Variants in TMEM135 observed in about 807,000 individuals in gnomAD.
TMEM135 encodes the protein transmembrane protein 135.
A neutral mutation model predicts 60.3 loss-of-function variants in TMEM135; 30 were observed. The ratio of observed to expected loss-of-function variants is 0.50; its 90% confidence interval spans 0.37 to 0.68. The LOEUF is 0.68. Among genes scored for constraint, TMEM135 ranks in the 30% least tolerant of loss-of-function variants. The pLI, the probability that TMEM135 is intolerant of heterozygous loss-of-function variation, is 0.00. For synonymous variants in TMEM135, 190 were observed against 186.7 expected (o/e 1.02, Z -0.14); for missense variants, 468 against 548.8 (o/e 0.85, Z 1.47).
At chr11:87,090,838 CT>C (rs1345948159) in intron 3 of TMEM135, among the ~76,000 whole-genome samples, 1 of 152,014 alleles carries the variant, frequency 6.6e-6, no homozygotes, top group African/African-American at 2.4e-5. Flanking sequence ...TAGTGCCTGA[CT>C]TTTCGTTTAA....
intron 5 of TMEM135, among the ~76,000 whole-genome samples, chr11:87,210,656 C>A (rs1940346534): frequency 6.6e-6 from 1 of 152,154 alleles, no homozygotes. Flanking sequence ...TCCTACCTAA[C>A]TCACTCTGTG....
intron 4 of TMEM135, among the ~76,000 whole-genome samples, chr11:87,109,119 A>G (rs985529817): frequency 1.3e-5 from 2 of 152,154 alleles, no homozygotes; most frequent in African/African-American, 2.4e-5. Flanking sequence ...TGTGTTAACT[A>G]TTTTTGTCGT....
At chr11:87,202,130 A>G (rs779703833) in intron 5 of TMEM135, among the ~76,000 whole-genome samples, 1 of 152,062 alleles carries the variant, frequency 6.6e-6, no homozygotes, top group Non-Finnish European at 1.5e-5. Flanking sequence ...GATTCAAGTG[A>G]TTCTCCTGCC....
intron 5 of TMEM135, among the ~76,000 whole-genome samples, chr11:87,210,382 A>G (rs1370521536): frequency 6.6e-6 from 1 of 152,198 alleles, no homozygotes; most frequent in African/African-American, 2.4e-5. Flanking sequence ...ACTATTACAG[A>G]TACCTCTAGG....
chr11:87,294,065 G>A (rs1228005010), intron 6 of TMEM135, among the ~76,000 whole-genome samples: 2 of 152,174 alleles, frequency 1.3e-5, no homozygotes, highest in Non-Finnish European at 2.9e-5. Flanking sequence ...TTACTGGCAT[G>A]AGATGGTATC....
At chr11:87,047,344 T>G (rs1470725479) in intron 1 of TMEM135, among the ~76,000 whole-genome samples, 1 of 152,080 alleles carries the variant, frequency 6.6e-6, no homozygotes, top group African/African-American at 2.4e-5. Context: ...AGCTCCGGTC[T>G]ACAGCTCCCA....
At chr11:87,064,235 T>G (rs1439018240) in intron 1 of TMEM135, among the ~76,000 whole-genome samples, 4 of 151,670 alleles carry the variant, frequency 2.6e-5, no homozygotes, top group African/African-American at 9.7e-5. Context: ...TAGCCTTTTA[T>G]ATGCCTATTG....
rs567852840 is a variant in TMEM135, at chr11:87,292,179, G to A, written c.510-3603G>A. 2.0e-5 allele frequency among the ~76,000 whole-genome samples: 3 copies of A among 152,328 alleles called. No homozygotes were observed. In the South Asian group the frequency reaches 6.2e-4, roughly 32 times the overall value. Reference sequence around the variant, plus strand: ...GAGAGGCTCTTCTTAACCATACTGTGTAAAGTAATGAAGCCTGACTACGTC... The same window carrying A: ...GAGAGGCTCTTCTTAACCATACTGTATAAAGTAATGAAGCCTGACTACGTC... On this transcript the variant is annotated intron_variant, in intron 6 of 14. Transcript: ENST00000305494.
At chr11:87,169,086 G>A (rs1028496488) in intron 5 of TMEM135, among the ~76,000 whole-genome samples, 2 of 151,494 alleles carry the variant, frequency 1.3e-5, no homozygotes, top group African/African-American at 4.9e-5. Context: ...ATCTTTGTTG[G>A]TTTAAAGTCT....
At chr11:87,314,298 A>C (rs535312636) in intron 11 of TMEM135, among the ~76,000 whole-genome samples, 173 bp from the exon 12 acceptor site, 1 of 151,994 alleles carries the variant, frequency 6.6e-6, no homozygotes, top group East Asian at 1.9e-4. Flanking sequence ...TAAATTTAAA[A>C]ATATGCAATA....
chr11:87,167,685 T>G (rs975359647), intron 5 of TMEM135, among the ~76,000 whole-genome samples: 2 of 152,170 alleles, frequency 1.3e-5, no homozygotes, highest in Non-Finnish European at 2.9e-5. Context: ...ATAAGCTTTT[T>G]GATGTGGTGC....
chr11:87,285,643 C>T (rs951069030), intron 6 of TMEM135, among the ~76,000 whole-genome samples: 4 of 152,132 alleles, frequency 2.6e-5, no homozygotes, highest in Non-Finnish European at 5.9e-5. Flanking sequence ...TGTCACAGCT[C>T]ATAAAAGAAG....
intron 1 of TMEM135, among the ~76,000 whole-genome samples, chr11:87,065,103 C>A (rs759487413): frequency 3.9e-5 from 6 of 152,090 alleles, no homozygotes; most frequent in Non-Finnish European, 7.4e-5. Context: ...TGAAGGGCAT[C>A]GGGGTTGTTT....
chr11:87,298,798 A>AAAAAAC (rs1158420495), intron 7 of TMEM135, among the ~76,000 whole-genome samples: 2 of 141,072 alleles, frequency 1.4e-5, no homozygotes, highest in Non-Finnish European at 3.1e-5. Context: ...AAAAAAAAAA[A>AAAAAAC]AAAAAACAGC....
chr11:87,247,533 G>A (rs1458942945), intron 6 of TMEM135, among the ~76,000 whole-genome samples: 2 of 152,110 alleles, frequency 1.3e-5, no homozygotes, highest in African/African-American at 4.8e-5. Flanking sequence ...CAGCTGCTTT[G>A]TTTACCTAAG....
intron 1 of TMEM135, among the ~76,000 whole-genome samples, chr11:87,040,465 C>T (rs1252179032): frequency 6.6e-6 from 1 of 152,144 alleles, no homozygotes; most frequent in Non-Finnish European, 1.5e-5. Context: ...TCGAGACCAG[C>T]CAGCTTGACC....
intron 1 of TMEM135, among the ~76,000 whole-genome samples, chr11:87,054,455 G>C (rs979912684): frequency 2.0e-5 from 3 of 151,902 alleles, no homozygotes; most frequent in Admixed American, 1.3e-4. Flanking sequence ...AAGAAAAAAA[G>C]AAAAATATTT....
intron 4 of TMEM135, among the ~76,000 whole-genome samples, chr11:87,102,136 A>T (rs11234966): frequency 0.081 from 12,366 of 152,226 alleles, 569 homozygotes; most frequent in East Asian, 0.18. Context: ...GTCTACCTGG[A>T]GATAGCATCA....
intron 1 of TMEM135, among the ~76,000 whole-genome samples, chr11:87,046,718 G>A (rs1949799753): frequency 6.6e-6 from 1 of 152,188 alleles, no homozygotes; most frequent in African/African-American, 2.4e-5. Context: ...TTAGGTCGAC[G>A]AGGGAGAGAG....
Sources: allele counts gnomAD v4.1 joint callset (sites outside exome capture counted in the v4.1 genomes callset), GRCh38; gene constraint gnomAD v4.1.1; transcripts MANE v1.5; gene names NCBI Gene and HGNC (gene_info 2026-07-23, HGNC 2026-07-21).